Variants in ARSJ observed in about 807,000 individuals in gnomAD.
ARSJ encodes the protein arylsulfatase family member J, also known as arylsulfatase J.
Under a neutral mutation model 35.9 loss-of-function variants are expected in ARSJ, and 26 were observed. The ratio of observed to expected loss-of-function variants is 0.72; its 90% CI spans 0.53 to 1.00. ARSJ has a LOEUF of 1.00. Among genes scored for constraint, ARSJ ranks in the 50% least tolerant of loss-of-function variants. The pLI, the probability that ARSJ is intolerant of heterozygous loss-of-function variation, is 0.00. For synonymous variants in ARSJ, 294 were observed against 267.6 expected (o/e 1.10, Z -0.96); for missense variants, 667 against 723.6 (o/e 0.92, Z 0.90).
intron 1 of ARSJ, among the ~76,000 whole-genome samples, chr4:113,971,841 G>A (rs1420058083): frequency 6.6e-6 from 1 of 152,006 alleles, no homozygotes; most frequent in Non-Finnish European, 1.5e-5. Context: ...TGAAAGAAGT[G>A]GATGGAAGAG....
chr4:113,917,716 T>C (rs1392257858), intron 1 of ARSJ, among the ~76,000 whole-genome samples: 2 of 152,176 alleles, frequency 1.3e-5, no homozygotes, highest in East Asian at 3.8e-4. Flanking sequence ...GATTCTTCAA[T>C]ATGAATACTT....
chr4:113,959,979 C>A lies in ARSJ; in HGVS notation c.398+18458G>T, dbSNP rs555434024. On this transcript the variant is annotated intron_variant, in intron 1 of 1. Transcript: ENST00000315366. ...ATTGGGGTATTAAGTAATGTACCTT[C>A]TATCATTGCTTCTCTCTTGAATTAT... 2.6e-5 allele frequency among the ~76,000 whole-genome samples: 4 copies of A among 152,074 alleles called. No homozygotes were observed. In the East Asian group the frequency reaches 7.8e-4, roughly 29 times the overall value.
At chr4:113,934,455 C>G (rs2374197) in intron 1 of ARSJ, among the ~76,000 whole-genome samples, 24,829 of 151,604 alleles carry the variant, frequency 0.16, 2,468 homozygotes, top group Middle Eastern at 0.31. Flanking sequence ...AACTGGAGGT[C>G]TTTATATTAA....
intron 1 of ARSJ, among the ~76,000 whole-genome samples, chr4:113,925,250 T>C (rs1239929193): frequency 6.6e-6 from 1 of 152,092 alleles, no homozygotes; most frequent in Non-Finnish European, 1.5e-5. Flanking sequence ...TTAAGTCTCC[T>C]GGTGGCAGCA....
chr4:113,919,327 C>A (rs895456201), intron 1 of ARSJ, among the ~76,000 whole-genome samples: 2 of 152,038 alleles, frequency 1.3e-5, no homozygotes, highest in African/African-American at 2.4e-5. Flanking sequence ...AAGGCCGAAC[C>A]AAGGTGACAG....
intron 1 of ARSJ, among the ~76,000 whole-genome samples, chr4:113,909,780 C>G (rs2099669874): frequency 6.6e-6 from 1 of 151,974 alleles, no homozygotes; most frequent in South Asian, 2.1e-4. Flanking sequence ...GAACAGAGTA[C>G]TACACCTCTA....
intron 1 of ARSJ, among the ~76,000 whole-genome samples, chr4:113,973,588 C>T (rs918918685): frequency 2.0e-5 from 3 of 152,166 alleles, no homozygotes; most frequent in Admixed American, 2.0e-4. Flanking sequence ...AGTGGGCTCT[C>T]GTTACATCCC....
At chr4:113,912,970 T>C (rs1723026466) in intron 1 of ARSJ, among the ~76,000 whole-genome samples, 1 of 152,106 alleles carries the variant, frequency 6.6e-6, no homozygotes, top group Non-Finnish European at 1.5e-5. Flanking sequence ...CTAATTAATT[T>C]GAAATAAAAA....
intron 1 of ARSJ, among the ~76,000 whole-genome samples, chr4:113,972,312 A>AAAC (rs1554122224): frequency 1.5e-4 from 22 of 150,016 alleles, no homozygotes; most frequent in African/African-American, 5.1e-4. Context: ...AAAAACAAAA[A>AAAC]AAAAAACCCC....
chr4:113,915,283 TG>T (rs995448641), intron 1 of ARSJ, among the ~76,000 whole-genome samples: 1 of 152,208 alleles, frequency 6.6e-6, no homozygotes, highest in Non-Finnish European at 1.5e-5. Context: ...TGAGCTATTT[TG>T]AATAGTTTAT....
chr4:113,962,924 A>G (rs1479204007), intron 1 of ARSJ, among the ~76,000 whole-genome samples: 3 of 151,964 alleles, frequency 2.0e-5, no homozygotes, highest in Admixed American at 2.0e-4. Context: ...TCTCTGAACT[A>G]GCTTAGTGGG....
chr4:113,951,015 G>C (rs751182067), intron 1 of ARSJ, among the ~76,000 whole-genome samples: 1 of 152,074 alleles, frequency 6.6e-6, no homozygotes, highest in African/African-American at 2.4e-5. Flanking sequence ...TTTTAAAAAT[G>C]CTTGAAGAAA....
At chr4:113,913,909 C>T (rs953987000) in intron 1 of ARSJ, among the ~76,000 whole-genome samples, 7 of 151,994 alleles carry the variant, frequency 4.6e-5, no homozygotes, top group South Asian at 2.1e-4. Context: ...GTAATATCAT[C>T]GTAATATTAG....
intron 1 of ARSJ, among the ~76,000 whole-genome samples, chr4:113,955,733 G>A (rs1726139594): frequency 6.6e-6 from 1 of 152,050 alleles, no homozygotes; most frequent in Admixed American, 6.6e-5. Context: ...ATCTAGTTAA[G>A]AGCACACAGC....
At chr4:113,910,292 ATTC>A (rs2099670057) in intron 1 of ARSJ, among the ~76,000 whole-genome samples, 1 of 152,182 alleles carries the variant, frequency 6.6e-6, no homozygotes. Context: ...TAGTCTATGA[ATTC>A]TTCTTTGTCT....
intron 1 of ARSJ, among the ~76,000 whole-genome samples, chr4:113,915,189 T>A (rs1723218293): frequency 6.6e-6 from 1 of 152,152 alleles, no homozygotes; most frequent in South Asian, 2.1e-4. Context: ...GAACTTGTAA[T>A]CTATCTGTGA....
intron 1 of ARSJ, among the ~76,000 whole-genome samples, chr4:113,919,191 C>T (rs1193073497): frequency 2.6e-5 from 4 of 151,970 alleles, no homozygotes; most frequent in Non-Finnish European, 5.9e-5. Flanking sequence ...CAGCTGAGAC[C>T]AAGGGCTCAG....
At chr4:113,939,471 C>T (rs1725000641) in intron 1 of ARSJ, among the ~76,000 whole-genome samples, 1 of 152,006 alleles carries the variant, frequency 6.6e-6, no homozygotes, top group Non-Finnish European at 1.5e-5. Flanking sequence ...TTCTAGAGCC[C>T]CGAGGAATTG....
chr4:113,937,855 G>C (rs1017290208), intron 1 of ARSJ, among the ~76,000 whole-genome samples: 1 of 152,008 alleles, frequency 6.6e-6, no homozygotes, highest in African/African-American at 2.4e-5. Context: ...CCTCTTCAAG[G>C]AGAACTACAA....
Sources: allele counts gnomAD v4.1 joint callset (sites outside exome capture counted in the v4.1 genomes callset), GRCh38; gene constraint gnomAD v4.1.1; transcripts MANE v1.5; gene names NCBI Gene and HGNC (gene_info 2026-07-23, HGNC 2026-07-21).